SCHIP1: variants seen among roughly 807,000 people sequenced by gnomAD.
SCHIP1 encodes the protein schwannomin interacting protein 1.
A neutral mutation model predicts 29.7 loss-of-function variants in SCHIP1; 8 were observed. The observed-to-expected ratio is 0.27, with a 90% CI of 0.16 to 0.49. The LOEUF (loss-of-function observed/expected upper bound fraction) is 0.49, where lower values mean the gene tolerates loss of function less well. Among genes scored for constraint, SCHIP1 ranks in the 20% least tolerant of loss-of-function variants. The pLI, the probability that SCHIP1 is intolerant of heterozygous loss-of-function variation, is 0.99. For missense variants in SCHIP1, 193 were observed against 294.6 expected (o/e 0.66, Z 2.52); for synonymous variants, 76 against 94.9 (o/e 0.80, Z 1.16).
chr3:159,444,713 G>A, the SCHIP1 span, among the ~76,000 whole-genome samples: 1 of 152,108 alleles, frequency 6.6e-6, no homozygotes, highest in African/African-American at 2.4e-5. Context: ...AATGAGAGGT[G>A]GCAGGGACAA....
chr3:159,330,536 T>C, the SCHIP1 span, among the ~76,000 whole-genome samples: 3 of 152,224 alleles, frequency 2.0e-5, no homozygotes, highest in Non-Finnish European at 2.9e-5. Flanking sequence ...TGTAGATTTA[T>C]AGTATTGCGA....
At chr3:159,551,882 C>CT in the SCHIP1 span, among the ~76,000 whole-genome samples, 1 of 151,742 alleles carries the variant, frequency 6.6e-6, no homozygotes, top group African/African-American at 2.4e-5. Flanking sequence ...GTTGATGTTA[C>CT]TAGAATATGG....
chr3:159,471,564 AACC>A, the SCHIP1 span, among the ~76,000 whole-genome samples: 48 of 152,268 alleles, frequency 3.2e-4, no homozygotes, highest in African/African-American at 1.1e-3. Context: ...AAATAAATCC[AACC>A]ATCTAAAATA....
At chr3:159,436,678 C>T in the SCHIP1 span, among the ~76,000 whole-genome samples, 39 of 152,166 alleles carry the variant, frequency 2.6e-4, no homozygotes, top group Non-Finnish European at 4.1e-4. Context: ...GGTCAGGACC[C>T]AAGTTTACTT....
the SCHIP1 span, among the ~76,000 whole-genome samples, chr3:159,681,795 G>C: frequency 1.8e-4 from 28 of 151,638 alleles, no homozygotes; most frequent in African/African-American, 6.8e-4. Context: ...GTTAACTTAG[G>C]TTAACTTGGG....
At chr3:159,503,625 C>T in the SCHIP1 span, among the ~76,000 whole-genome samples, 1 of 152,110 alleles carries the variant, frequency 6.6e-6, no homozygotes, top group African/African-American at 2.4e-5. Flanking sequence ...GAGTGTTTAG[C>T]CACATGAGTG....
chr3:159,276,519 G>A, the SCHIP1 span, among the ~76,000 whole-genome samples: 1 of 152,146 alleles, frequency 6.6e-6, no homozygotes, highest in Non-Finnish European at 1.5e-5. Flanking sequence ...TTTGTCCTCA[G>A]TTACTACATT....
At chr3:159,556,959 A>G in the SCHIP1 span, among the ~76,000 whole-genome samples, 2 of 151,462 alleles carry the variant, frequency 1.3e-5, no homozygotes, top group African/African-American at 4.8e-5. Flanking sequence ...TTAAAAAAAA[A>G]AGATTTTTTT....
At chr3:159,708,659 A>G in the SCHIP1 span, among the ~76,000 whole-genome samples, 1 of 152,290 alleles carries the variant, frequency 6.6e-6, no homozygotes, top group Admixed American at 6.5e-5. Context: ...ACCTTCACAC[A>G]TTTACAGAGG....
At chr3:159,325,786 A>G in the SCHIP1 span, among the ~76,000 whole-genome samples, 1 of 152,042 alleles carries the variant, frequency 6.6e-6, no homozygotes, top group African/African-American at 2.4e-5. Flanking sequence ...TCTGATACTG[A>G]TGTATTTACT....
At chr3:159,425,910 A>G in the SCHIP1 span, among the ~76,000 whole-genome samples, 2 of 152,250 alleles carry the variant, frequency 1.3e-5, no homozygotes, top group African/African-American at 4.8e-5. Flanking sequence ...GCTCAACTAC[A>G]TGGAAGCTGA....
At chr3:159,857,306 C>T (rs1713500689) in intron 1 of SCHIP1, among the ~76,000 whole-genome samples, 1 of 152,162 alleles carries the variant, frequency 6.6e-6, no homozygotes, top group Non-Finnish European at 1.5e-5. Flanking sequence ...CACAAACGTG[C>T]ACACACATGT....
the SCHIP1 span, among the ~76,000 whole-genome samples, chr3:159,297,969 A>G: frequency 7.9e-5 from 12 of 152,150 alleles, no homozygotes; most frequent in African/African-American, 2.7e-4. Flanking sequence ...CTGACACACC[A>G]TGAGATATTT....
the SCHIP1 span, among the ~76,000 whole-genome samples, chr3:159,756,791 C>T: frequency 6.6e-6 from 1 of 152,216 alleles, no homozygotes; most frequent in Non-Finnish European, 1.5e-5. Context: ...GCCAGATACC[C>T]TAGATCATCT....
the SCHIP1 span, among the ~76,000 whole-genome samples, chr3:159,707,076 A>G: frequency 6.1e-4 from 93 of 152,304 alleles, no homozygotes; most frequent in South Asian, 1.0e-3. Flanking sequence ...ATAAAATTTC[A>G]ATGGTGGCAA....
At chr3:159,773,147 T>C in the SCHIP1 span, among the ~76,000 whole-genome samples, 1 of 152,220 alleles carries the variant, frequency 6.6e-6, no homozygotes, top group African/African-American at 2.4e-5. Flanking sequence ...CTTAGTGTTT[T>C]AATGAAAAGG....
chr3:159,795,624 A>G, the SCHIP1 span, among the ~76,000 whole-genome samples: 29 of 152,302 alleles, frequency 1.9e-4, no homozygotes, highest in South Asian at 6.0e-3. Flanking sequence ...TGGTAAAACT[A>G]TGCTATAGAC....
chr3:159,887,705 C>T lies in SCHIP1; in HGVS notation c.268-3C>T, dbSNP rs1717103108. ...GCTCAGGCTGCTCTTTTTCCCTTTG[C>T]AGAGCAAACAGAGTTCTTCCTATTC... On this transcript the variant is annotated splice_polypyrimidine_tract_variant and splice_region_variant and intron_variant, in intron 3 of 6. Transcript: ENST00000445224. 6.2e-7 allele frequency: 1 copy of T among 1,613,746 alleles called. No individual in the cohort carries two copies.
chr3:159,706,456 G>A, the SCHIP1 span, among the ~76,000 whole-genome samples: 1 of 152,178 alleles, frequency 6.6e-6, no homozygotes, highest in Non-Finnish European at 1.5e-5. Context: ...GAAGTTGTCT[G>A]CAAACTCTGT....
Sources: gnomAD v4.1 joint callset for allele counts (sites outside exome capture counted in the v4.1 genomes callset) on GRCh38, gnomAD v4.1.1 for gene constraint, MANE v1.5 for transcripts, NCBI Gene and HGNC (gene_info 2026-07-23, HGNC 2026-07-21) for gene names.